Variants in MALRD1 observed in about 807,000 individuals in gnomAD.
MALRD1 encodes the protein MAM and LDL-receptor class A domain-containing protein 1.
A neutral mutation model predicts 242.1 loss-of-function variants in MALRD1; 247 were observed. That is an observed-to-expected ratio of 1.02 (90% confidence interval 0.92 to 1.13). MALRD1 has a LOEUF of 1.13. Among genes scored for constraint, MALRD1 ranks in the 50% most tolerant of loss-of-function variants. The probability of loss-of-function intolerance (pLI) is 0.00; values close to 1 mark genes in which losing one functional copy is unlikely to be tolerated. For synonymous variants in MALRD1, 995 were observed against 866.6 expected (o/e 1.15, Z -2.60); for missense variants, 2,989 against 2,533.1 (o/e 1.18, Z -3.86).
At chr10:19,539,801 G>T (rs1396868722) in intron 32 of MALRD1, among the ~76,000 whole-genome samples, 1 of 149,758 alleles carries the variant, frequency 6.7e-6, no homozygotes, top group Non-Finnish European at 1.5e-5. Context: ...ATCCTCCCAC[G>T]TCAGCCTCCC....
rs545422488 is a variant in MALRD1, at chr10:19,088,128, A to G, written c.540A>G (p.Ala180=). Reference sequence around the variant, plus strand: ...AGCATTTATGGCAAAACACAGCTGCACTCCCAAATCAGTGGGAGAGAAATG... The same window carrying G: ...AGCATTTATGGCAAAACACAGCTGCGCTCCCAAATCAGTGGGAGAGAAATG... The part of the protein sequence containing the change: ...PIQHLWQNTA[A]LPNQWERNVI... The change falls in exon 4 of 40, where the codon GCA becomes GCG. Residue 180 remains alanine (A), a synonymous_variant. Transcript: ENST00000454679. The G allele has an allele frequency of 9.0e-5, 111 of 1,233,462 alleles. No homozygotes were observed. The highest frequency in any genetic ancestry group is 7.6e-4 in the African/African-American group (49 of 64,556). The allele number at this position is 1,233,462 out of a possible 1,614,324, so 76.4% of individuals were successfully genotyped here.
At chr10:19,720,608 C>T (rs1476600066) in intron 38 of MALRD1, among the ~76,000 whole-genome samples, 1 of 152,146 alleles carries the variant, frequency 6.6e-6, no homozygotes, top group African/African-American at 2.4e-5. Flanking sequence ...ACGAACTCTC[C>T]GTCTTGTTAC....
chr10:19,060,875 G>A (rs1168593502), intron 1 of MALRD1, among the ~76,000 whole-genome samples: 4 of 152,154 alleles, frequency 2.6e-5, no homozygotes, highest in Non-Finnish European at 5.9e-5. Flanking sequence ...CGAAGACATG[G>A]AATCAGCCTA....
intron 14 of MALRD1, among the ~76,000 whole-genome samples, chr10:19,181,732 C>CA (rs71287316): frequency 0.19 from 28,249 of 149,914 alleles, 2,946 homozygotes; most frequent in Admixed American, 0.27. Context: ...ACTCTTGCCA[C>CA]AAAAAAAGAA....
At chr10:19,640,834 A>G (rs577917453) in intron 36 of MALRD1, among the ~76,000 whole-genome samples, 6 of 152,322 alleles carry the variant, frequency 3.9e-5, no homozygotes, top group African/African-American at 1.2e-4. Flanking sequence ...TGGAAATGAT[A>G]TAGTAAGTTC....
chr10:19,515,901 C>T (rs1270531908), intron 31 of MALRD1, among the ~76,000 whole-genome samples: 2 of 152,074 alleles, frequency 1.3e-5, no homozygotes, highest in East Asian at 1.9e-4. Context: ...AACGTTAGAA[C>T]CAGCTAGTAT....
intron 35 of MALRD1, among the ~76,000 whole-genome samples, chr10:19,610,373 T>C (rs1471632911): frequency 6.6e-6 from 1 of 151,988 alleles, no homozygotes; most frequent in Non-Finnish European, 1.5e-5. Flanking sequence ...GCCTGTCCTT[T>C]TTCTCCTCTC....
At chr10:19,345,718 T>C (rs942491935) in intron 24 of MALRD1, among the ~76,000 whole-genome samples, 4 of 152,078 alleles carry the variant, frequency 2.6e-5, no homozygotes, top group African/African-American at 7.2e-5. Flanking sequence ...TGTTAAACAA[T>C]TTAGAAAAAC....
rs117764561 is a variant in MALRD1, at chr10:19,564,179, A to G, written c.5479-3323A>G. Among the ~76,000 whole-genome samples the G allele has an allele frequency of 9.1e-4, 139 of 152,278 alleles. 3 individuals carry two copies. The East Asian group carries it at 0.025, about 28-fold the overall frequency. ...TAATACACCATCTATTCTGGAACTTAACACTCATATTTTGTATTACCTCTT... is the reference window on the plus strand; with the variant it reads ...TAATACACCATCTATTCTGGAACTTGACACTCATATTTTGTATTACCTCTT... On this transcript the variant is annotated intron_variant, in intron 32 of 39. Coordinates refer to ENST00000454679, the MANE Select transcript of MALRD1 (RefSeq NM_001142308.3).
chr10:19,634,030 G>A (rs1013371315), intron 36 of MALRD1, among the ~76,000 whole-genome samples: 3 of 151,600 alleles, frequency 2.0e-5, no homozygotes, highest in East Asian at 2.0e-4. Context: ...TAGTAGAAAT[G>A]GTGTTTTGCC....
At chr10:19,497,107 T>C (rs993020138) in intron 30 of MALRD1, among the ~76,000 whole-genome samples, 19 of 152,026 alleles carry the variant, frequency 1.2e-4, no homozygotes, top group African/African-American at 2.9e-4. Context: ...GAATAAATAT[T>C]GTAGGGCTGT....
intron 29 of MALRD1, among the ~76,000 whole-genome samples, chr10:19,471,698 T>C (rs958934958): frequency 1.3e-5 from 2 of 151,514 alleles, no homozygotes; most frequent in African/African-American, 4.8e-5. Context: ...ATGGGTTTGT[T>C]TGCCTAATTT....
intron 5 of MALRD1, among the ~76,000 whole-genome samples, chr10:19,114,487 A>C (rs1171884680): frequency 6.6e-6 from 1 of 152,140 alleles, no homozygotes; most frequent in Non-Finnish European, 1.5e-5. Flanking sequence ...AAATACAAAA[A>C]TTAGCTGGGC....
At chr10:19,393,691 C>T (rs192691524) in intron 28 of MALRD1, among the ~76,000 whole-genome samples, 16 of 151,380 alleles carry the variant, frequency 1.1e-4, no homozygotes, top group East Asian at 3.9e-4. Flanking sequence ...CGCCTGACCT[C>T]GTGATCTGCC....
intron 8 of MALRD1, among the ~76,000 whole-genome samples, chr10:19,128,838 C>T (rs114545313): frequency 0.013 from 1,939 of 152,238 alleles, 53 homozygotes; most frequent in African/African-American, 0.044. Context: ...CAATGGCACA[C>T]TGGGTAGAGT....
chr10:19,147,709 T>A (rs1404300758), intron 11 of MALRD1, among the ~76,000 whole-genome samples: 1 of 152,194 alleles, frequency 6.6e-6, no homozygotes, highest in Non-Finnish European at 1.5e-5. Flanking sequence ...CAATCGGTTA[T>A]GAAGGATGCT....
chr10:19,495,887 C>A (rs576240772), intron 30 of MALRD1, among the ~76,000 whole-genome samples: 96 of 152,236 alleles, frequency 6.3e-4, no homozygotes, highest in African/African-American at 2.3e-3. Flanking sequence ...AAAAACCTAC[C>A]AAGCAAATGG....
intron 28 of MALRD1, among the ~76,000 whole-genome samples, chr10:19,448,474 T>C (rs1252035021): frequency 6.6e-6 from 1 of 152,022 alleles, no homozygotes; most frequent in Non-Finnish European, 1.5e-5. Context: ...CATTATGATT[T>C]GTTAAATCAT....
intron 10 of MALRD1, among the ~76,000 whole-genome samples, chr10:19,145,020 A>G (rs1833681221): frequency 1.3e-5 from 2 of 152,004 alleles, no homozygotes; most frequent in South Asian, 4.1e-4. Flanking sequence ...CAGCATAAAG[A>G]GGAATATTTA....
Sources: gnomAD v4.1 joint callset for allele counts (sites outside exome capture counted in the v4.1 genomes callset) on GRCh38, gnomAD v4.1.1 for gene constraint, MANE v1.5 for transcripts, NCBI Gene and HGNC (gene_info 2026-07-23, HGNC 2026-07-21) for gene names.